ZNRF1: variants seen among roughly 807,000 people sequenced by gnomAD.
The protein encoded by ZNRF1 is E3 ubiquitin-protein ligase ZNRF1.
Under a neutral mutation model 18.4 loss-of-function variants are expected in ZNRF1, and 3 were observed. The ratio of observed to expected loss-of-function variants is 0.16; its 90% CI spans 0.07 to 0.42. ZNRF1 has a LOEUF of 0.42. ZNRF1 is among the 10% of genes least tolerant of loss of function. ZNRF1 has a pLI of 0.99. For missense variants in ZNRF1, 310 were observed against 329.8 expected (o/e 0.94, Z 0.47); for synonymous variants, 157 against 144.2 (o/e 1.09, Z -0.64).
At chr16:75,039,462 A>C (rs1041932539) in intron 1 of ZNRF1, among the ~76,000 whole-genome samples, 10 of 152,192 alleles carry the variant, frequency 6.6e-5, no homozygotes, top group Non-Finnish European at 2.9e-5. Context: ...TCTTGAAACT[A>C]CTTATAAAAA....
intron 1 of ZNRF1, among the ~76,000 whole-genome samples, chr16:75,091,996 T>C (rs1454297250): frequency 6.6e-6 from 1 of 152,040 alleles, no homozygotes; most frequent in Non-Finnish European, 1.5e-5. Context: ...TAAAATGTTA[T>C]TAAGAAAATG....
At position 75,015,068 on chromosome 16, in the gene ZNRF1, A is replaced by G. The variant is rs1403301155; in HGVS notation, c.424+14973A>G. Among the ~76,000 whole-genome samples the G allele has an allele frequency of 2.6e-5, 4 of 152,188 alleles. No homozygotes were observed. The East Asian group carries it at 7.7e-4, about 29-fold the overall frequency. On this transcript the variant is annotated intron_variant, in intron 1 of 4. Transcript: ENST00000335325. ...ATAATAATTCTTTGTTGTCATATGT[A>G]ATGTAGATGTGTCTTCTCTCAGTTT... is the stretch of plus-strand genomic sequence containing the variant.
chr16:75,057,305 G>T (rs2035681085), intron 1 of ZNRF1, among the ~76,000 whole-genome samples: 1 of 152,160 alleles, frequency 6.6e-6, no homozygotes. Flanking sequence ...AATACAGATG[G>T]TGACAGTTTT....
intron 1 of ZNRF1, among the ~76,000 whole-genome samples, chr16:75,050,352 C>T (rs935995542): frequency 2.0e-5 from 3 of 151,972 alleles, no homozygotes; most frequent in African/African-American, 7.2e-5. Context: ...ATGGCAAAAC[C>T]CTGTCTCTAC....
intron 2 of ZNRF1, among the ~76,000 whole-genome samples, chr16:75,099,848 T>C (rs924523403): frequency 6.6e-6 from 1 of 152,146 alleles, no homozygotes; most frequent in Non-Finnish European, 1.5e-5. Flanking sequence ...TAGGAACCAG[T>C]TGATAGGCAA....
intron 1 of ZNRF1, among the ~76,000 whole-genome samples, chr16:75,082,227 T>C (rs1196045869): frequency 6.6e-6 from 1 of 152,056 alleles, no homozygotes; most frequent in Admixed American, 6.5e-5. Flanking sequence ...CATTGGACCA[T>C]CATGTCCCGG....
At chr16:75,022,483 G>A (rs1037210806) in intron 1 of ZNRF1, among the ~76,000 whole-genome samples, 4 of 146,742 alleles carry the variant, frequency 2.7e-5, no homozygotes, top group East Asian at 2.1e-4. Flanking sequence ...GGAGAATGGC[G>A]TGAACCCGGG....
In ZNRF1 at chr16:75,106,580, G is replaced by A. The variant is rs375237658; in HGVS notation, c.*32+9G>A. ...GCTGACTCCTCTCAAAGGTGAGCCC[G>A]CGTTTGGGGGTGCTCCGGGCTCAAG... is the stretch of plus-strand genomic sequence containing the variant. On this transcript the variant is annotated intron_variant, in intron 4 of 4. Coordinates refer to ENST00000335325, the MANE Select transcript of ZNRF1 (RefSeq NM_032268.5). 1.3e-5 allele frequency: 21 copies of A among 1,612,538 alleles called. No individual in the cohort carries two copies. The highest frequency in any genetic ancestry group is 1.6e-5 in the Non-Finnish European group (19 of 1,178,868).
intron 1 of ZNRF1, among the ~76,000 whole-genome samples, chr16:75,064,499 T>A (rs1055989378): frequency 6.9e-6 from 1 of 145,046 alleles, no homozygotes; most frequent in Non-Finnish European, 1.5e-5. Context: ...GAGGTTGCAG[T>A]GAGCCAAGAT....
At chr16:75,018,620 A>G (rs1350977002) in intron 1 of ZNRF1, among the ~76,000 whole-genome samples, 2 of 152,092 alleles carry the variant, frequency 1.3e-5, no homozygotes, top group Non-Finnish European at 2.9e-5. Flanking sequence ...CAATTTTATC[A>G]ACAGTTTTCC....
Position 75,048,375 on chromosome 16 carries a change from A to G in ZNRF1, c.425-45197A>G, listed in dbSNP as rs534485102. ...ATATAGTCACATTCTGAAGTACTGG[A>G]GGTTAGGACTTCAGCATATAAATTT... is the stretch of plus-strand genomic sequence containing the variant. On this transcript the variant is annotated intron_variant, in intron 1 of 4. Coordinates refer to ENST00000335325, the MANE Select transcript of ZNRF1 (RefSeq NM_032268.5). 3.9e-5 allele frequency among the ~76,000 whole-genome samples: 6 copies of G among 152,110 alleles called. No homozygotes were observed. The South Asian group carries it at 1.2e-3, about 31-fold the overall frequency.
At chr16:75,044,199 T>C (rs1437643888) in intron 1 of ZNRF1, among the ~76,000 whole-genome samples, 1 of 152,092 alleles carries the variant, frequency 6.6e-6, no homozygotes, top group African/African-American at 2.4e-5. Context: ...CTTCCCTAGG[T>C]GTAGGACAGA....
At chr16:75,063,838 G>A (rs1341080636) in intron 1 of ZNRF1, among the ~76,000 whole-genome samples, 1 of 152,186 alleles carries the variant, frequency 6.6e-6, no homozygotes, top group Non-Finnish European at 1.5e-5. Context: ...GCAATGAGGA[G>A]GGGAAAAGTG....
rs546978747 is a variant in ZNRF1 at position 75,022,497 on chromosome 16, C to T, written c.424+22402C>T. Among the ~76,000 whole-genome samples the T allele has an allele frequency of 2.6e-3, 389 of 151,556 alleles. 4 individuals carry two copies. Among genetic ancestry groups the T allele is most frequent in the Admixed American group, 6.5e-3 (99 of 15,240 alleles). On this transcript the variant is annotated intron_variant, in intron 1 of 4. Transcript: ENST00000335325. Reference sequence around the variant, plus strand: ...AGGAGAATGGCGTGAACCCGGGAGGCGGAGCTTGCAGTGAGCCGAGATTGT... The same window carrying T: ...AGGAGAATGGCGTGAACCCGGGAGGTGGAGCTTGCAGTGAGCCGAGATTGT...
intron 1 of ZNRF1, among the ~76,000 whole-genome samples, chr16:75,006,890 C>T (rs1362213175): frequency 3.3e-5 from 5 of 152,094 alleles, no homozygotes; most frequent in Non-Finnish European, 7.4e-5. Context: ...CAGCAGTTTT[C>T]ACTTCTGAAT....
At chr16:75,039,735 A>G (rs1264541952) in intron 1 of ZNRF1, among the ~76,000 whole-genome samples, 5 of 152,224 alleles carry the variant, frequency 3.3e-5, no homozygotes, top group African/African-American at 1.2e-4. Flanking sequence ...TGGTCTGTCA[A>G]CAGGTGTTCC....
At chr16:75,037,110 A>G (rs1323305812) in intron 1 of ZNRF1, among the ~76,000 whole-genome samples, 3 of 152,252 alleles carry the variant, frequency 2.0e-5, no homozygotes, top group East Asian at 1.9e-4. Context: ...TAGAATTTCA[A>G]TCTGTCGATT....
intron 1 of ZNRF1, among the ~76,000 whole-genome samples, chr16:75,074,147 G>C (rs537852725): frequency 6.6e-5 from 10 of 152,272 alleles, no homozygotes; most frequent in Admixed American, 6.5e-4. Flanking sequence ...GCCACAGACT[G>C]CTAGTCTGTT....
intron 1 of ZNRF1, among the ~76,000 whole-genome samples, chr16:75,082,455 T>A (rs185603729): frequency 2.7e-4 from 41 of 152,338 alleles, no homozygotes; most frequent in Admixed American, 5.9e-4. Context: ...GTGGGTTTGA[T>A]GTCTTCACGC....
Sources: gnomAD v4.1 joint callset for allele counts (sites outside exome capture counted in the v4.1 genomes callset) on GRCh38, gnomAD v4.1.1 for gene constraint, MANE v1.5 for transcripts, NCBI Gene and HGNC (gene_info 2026-07-23, HGNC 2026-07-21) for gene names.